The following RPH3A variants were observed in gnomAD, a reference collection of about 807,000 sequenced individuals.
RPH3A encodes the protein rabphilin-3A.
A neutral mutation model predicts 102.2 loss-of-function variants in RPH3A; 48 were observed. The observed-to-expected ratio is 0.47, with a 90% CI of 0.37 to 0.60. The LOEUF (loss-of-function observed/expected upper bound fraction) is 0.60, where lower values mean the gene tolerates loss of function less well. Ranked by LOEUF, RPH3A falls within the 20% of genes least tolerant of loss-of-function variation. RPH3A has a pLI of 0.00. For missense variants in RPH3A, 781 were observed against 910.1 expected (o/e 0.86, Z 1.83); for synonymous variants, 310 against 324.3 (o/e 0.96, Z 0.47).
At chr12:112,582,794 C>T (rs1004527677) in intron 1 of RPH3A, among the ~76,000 whole-genome samples, 3 of 152,134 alleles carry the variant, frequency 2.0e-5, no homozygotes, top group Non-Finnish European at 2.9e-5. Flanking sequence ...TTTCATTGAG[C>T]GGTCATGTCT....
chr12:112,812,050 G>GAA (rs779523556), intron 2 of RPH3A, among the ~76,000 whole-genome samples: 12 of 126,756 alleles, frequency 9.5e-5, no homozygotes, highest in African/African-American at 1.7e-4. Context: ...CAGTTTAGCA[G>GAA]AAAAAAAAAA....
intron 5 of RPH3A, among the ~76,000 whole-genome samples, chr12:112,861,571 C>T (rs553912298): frequency 2.0e-4 from 31 of 152,308 alleles, no homozygotes; most frequent in African/African-American, 6.7e-4. Context: ...ACTTGGGAGC[C>T]GACTGCCTGG....
chr12:112,710,862 T>C (rs1233071610), intron 1 of RPH3A, among the ~76,000 whole-genome samples: 2 of 152,224 alleles, frequency 1.3e-5, no homozygotes, highest in Non-Finnish European at 2.9e-5. Context: ...CCCTTCCTTT[T>C]ATCTTGAACA....
chr12:112,582,400 C>T (rs1300550161), intron 1 of RPH3A, among the ~76,000 whole-genome samples: 1 of 146,850 alleles, frequency 6.8e-6, no homozygotes, highest in Non-Finnish European at 1.5e-5. Context: ...CATGAGCCAC[C>T]ATGCCTGGCC....
At chr12:112,722,337 A>G (rs2040557209) in intron 1 of RPH3A, among the ~76,000 whole-genome samples, 1 of 152,262 alleles carries the variant, frequency 6.6e-6, no homozygotes, top group Non-Finnish European at 1.5e-5. Flanking sequence ...TGGGCCAAAT[A>G]CAAATTCTTA....
At chr12:112,751,386 G>A (rs2040785007) in intron 1 of RPH3A, among the ~76,000 whole-genome samples, 1 of 152,166 alleles carries the variant, frequency 6.6e-6, no homozygotes, top group Admixed American at 6.5e-5. Context: ...TTGTAGTTGT[G>A]TGACGTTGAA....
chr12:112,634,322 T>C (rs1411481203), intron 1 of RPH3A, among the ~76,000 whole-genome samples: 2 of 35,180 alleles, frequency 5.7e-5, no homozygotes, highest in South Asian at 5.6e-4. Context: ...CACTCCAGCC[T>C]GGGCGACAGA....
intron 1 of RPH3A, among the ~76,000 whole-genome samples, chr12:112,684,877 T>A (rs1646954413): frequency 6.6e-6 from 1 of 152,204 alleles, no homozygotes; most frequent in Admixed American, 6.5e-5. Flanking sequence ...GCAGATTCAA[T>A]GTCTGGTAAG....
intron 2 of RPH3A, among the ~76,000 whole-genome samples, chr12:112,825,547 GT>G (rs1301429520): frequency 6.6e-6 from 1 of 152,008 alleles, no homozygotes; most frequent in Admixed American, 6.6e-5. Flanking sequence ...CTTACTCTTG[GT>G]GGGACCTTCA....
chr12:112,758,276 C>T (rs2040834161), intron 1 of RPH3A, among the ~76,000 whole-genome samples: 1 of 152,258 alleles, frequency 6.6e-6, no homozygotes, highest in Admixed American at 6.5e-5. Flanking sequence ...CCATCATCCA[C>T]TTCCTTTTGT....
In RPH3A at chr12:112,678,319, A is replaced by AGAGAGAGAGAGAGAGAGAG. The variant is rs1225677838; in HGVS notation, c.-140+103000_-140+103001insGAGAGAGAGAGAGAGAGAG. 3.5e-4 allele frequency among the ~76,000 whole-genome samples: 24 copies of AGAGAGAGAGAGAGAGAGAG among 68,616 alleles called. 2 individuals carry two copies. The highest frequency in any genetic ancestry group is 6.3e-4 in the Admixed American group (5 of 7,914). The allele number at this position is 68,616 out of a possible 152,430, so 45.0% of individuals were successfully genotyped here. On this transcript the variant is annotated intron_variant, in intron 1 of 21. Coordinates refer to the RPH3A transcript ENST00000543106. ...AAAGAAAGAAAGAGAGAGAGAGAGA[A>AGAGAGAGAGAGAGAGAGAG]AGAAAGAAAGAAGGAAGGAAGGAAG...
intron 2 of RPH3A, among the ~76,000 whole-genome samples, chr12:112,817,249 C>G (rs2041691089): frequency 6.6e-6 from 1 of 152,052 alleles, no homozygotes; most frequent in East Asian, 1.9e-4. Context: ...TCTTTTTAGC[C>G]CTGTTTCCCC....
chr12:112,678,295 A>AGAGAGAGAGAGAG lies in RPH3A; in HGVS notation c.-140+102976_-140+102977insGAGAGAGAGAGAG, dbSNP rs1566255284. Among the ~76,000 whole-genome samples the AGAGAGAGAGAGAG allele has an allele frequency of 9.5e-4, 33 of 34,836 alleles. 3 individuals are homozygous for AGAGAGAGAGAGAG. Among genetic ancestry groups the AGAGAGAGAGAGAG allele is most frequent in the South Asian group, 1.3e-3 (2 of 1,552 alleles). The allele number at this position is 34,836 out of a possible 152,430, so 22.9% of individuals were successfully genotyped here. ...AAAGAAAGAAAGAAAGAAAGAAAGA[A>AGAGAGAGAGAGAG]AGAAAGAAAGAGAGAGAGAGAGAAA... On this transcript the variant is annotated intron_variant, in intron 1 of 21. Transcript: ENST00000543106.
At chr12:112,664,443 T>C (rs745328141) in intron 1 of RPH3A, among the ~76,000 whole-genome samples, 4 of 152,158 alleles carry the variant, frequency 2.6e-5, no homozygotes, top group Non-Finnish European at 4.4e-5. Flanking sequence ...GGAATATTTG[T>C]AGTTATCCAG....
chr12:112,793,876 G>A (rs2041175606), intron 2 of RPH3A, among the ~76,000 whole-genome samples: 1 of 152,092 alleles, frequency 6.6e-6, no homozygotes, highest in Non-Finnish European at 1.5e-5. Flanking sequence ...GGGGATCTTA[G>A]GGGGCTATCA....
At position 112,627,220 on chromosome 12, in the gene RPH3A, T is replaced by A. The variant is rs188805970; in HGVS notation, c.-140+51901T>A. Among the ~76,000 whole-genome samples, 986 of 151,468 alleles carry A rather than the reference T, an allele frequency of 6.5e-3. 5 individuals are homozygous for A. Among genetic ancestry groups the A allele is most frequent in the South Asian group, 0.028 (135 of 4,798 alleles). ...AACTTAAAGTATAATAAAAATAATT[T>A]AAAAAAAATATTTGTATTATGCACT... is the stretch of plus-strand genomic sequence containing the variant. On this transcript the variant is annotated intron_variant, in intron 1 of 21. Coordinates refer to the RPH3A transcript ENST00000543106.
intron 1 of RPH3A, among the ~76,000 whole-genome samples, chr12:112,658,022 G>C (rs913442035): frequency 8.5e-5 from 13 of 152,112 alleles, no homozygotes; most frequent in Admixed American, 2.6e-4. Flanking sequence ...GAGGGAATGT[G>C]GGAGGAGATG....
intron 1 of RPH3A, among the ~76,000 whole-genome samples, chr12:112,636,503 T>A (rs1165388505): frequency 6.6e-6 from 1 of 152,136 alleles, no homozygotes; most frequent in Non-Finnish European, 1.5e-5. Flanking sequence ...TAGGGAACAT[T>A]CTTGGAATTT....
chr12:112,752,930 A>G (rs2040794612), intron 1 of RPH3A, among the ~76,000 whole-genome samples: 2 of 138,466 alleles, frequency 1.4e-5, no homozygotes, highest in African/African-American at 2.7e-5. Flanking sequence ...TATTTCCCCA[A>G]CCCCTTCTAG....
Sources: allele counts gnomAD v4.1 joint callset (sites outside exome capture counted in the v4.1 genomes callset), GRCh38; gene constraint gnomAD v4.1.1; transcripts MANE v1.5; gene names NCBI Gene and HGNC (gene_info 2026-07-23, HGNC 2026-07-21).